The following NOL6 variants were observed in gnomAD, a reference collection of about 807,000 sequenced individuals.
NOL6 encodes nucleolar RNA-associated protein.
A neutral mutation model predicts 131.7 loss-of-function variants in NOL6; 33 were observed. That is an observed-to-expected ratio of 0.25 (90% CI 0.19 to 0.33). The LOEUF is 0.33. NOL6 is among the 10% of genes least tolerant of loss of function. The probability of loss-of-function intolerance (pLI) is 1.00; values close to 1 mark genes in which losing one functional copy is unlikely to be tolerated. For synonymous variants in NOL6, 580 were observed against 605.7 expected (o/e 0.96, Z 0.62); for missense variants, 1,297 against 1,494.5 (o/e 0.87, Z 2.18).
chr9:33,469,476 T>G, intron 5 of NOL6, 23 bp downstream of exon 5: 1 of 1,595,634 alleles, frequency 6.3e-7, no homozygotes, highest in Non-Finnish European at 8.5e-7. Flanking sequence ...TGCTATGCCC[T>G]CAGCCCAATG....
At chr9:33,468,171 T>C (rs202172483) in intron 10 of NOL6, 26 bp from the exon 11 acceptor site, 3 of 1,614,190 alleles carry the variant, frequency 1.9e-6, no homozygotes, top group East Asian at 2.2e-5. Context: ...GGACCATCCC[T>C]GTGCCCTTCA....
Position 33,467,934 on chromosome 9 carries a change from T to C in NOL6, c.1425-66A>G. The stretch of plus-strand genomic sequence containing the variant: ...CTGGCCCCTAGTACCACCTCCTCCC[T>C]GAATGATCTGAGCACCTGTCTGAAG... On this transcript the variant is annotated intron_variant, in intron 11 of 25. Transcript: ENST00000297990. The surrounding 1 kb of genome is among the most constrained non-coding windows in gnomAD (Gnocchi z 4.4). 1 of 1,596,370 alleles carries C rather than the reference T, an allele frequency of 6.3e-7. No individual in the cohort carries two copies. Among genetic ancestry groups the C allele is most frequent in the Non-Finnish European group, 8.6e-7 (1 of 1,168,484 alleles).
rs776381070 is a variant in NOL6 at position 33,466,323 on chromosome 9, C to A, written c.2194G>T (p.Val732Leu). 1.9e-6 allele frequency: 3 copies of A among 1,614,058 alleles called. No individual in the cohort carries two copies. The highest frequency in any genetic ancestry group is 2.5e-6 in the Non-Finnish European group (3 of 1,180,038). Residue 732 changes from valine (V) to leucine (L), a missense_variant, in exon 17 of 26, where the codon GTG (valine) becomes TTG (leucine). Val to Leu is a conservative substitution (Grantham distance 32, BLOSUM62 1). Transcript: ENST00000297990. ...PRLDKPCPAYVEPMTVVCHLE... is the reference protein window; with the variant it reads ...PRLDKPCPAYLEPMTVVCHLE... ...GCCCTCTTACCGGTCATGGGCTCCA[C>A]GTAGGCCGGACAGGGCTTATCGAGC... is the stretch of plus-strand genomic sequence containing the variant.
chr9:33,473,587 C>G (rs1424796936), intron 1 of NOL6, among the ~76,000 whole-genome samples: 1 of 152,180 alleles, frequency 6.6e-6, no homozygotes, highest in Non-Finnish European at 1.5e-5. Context: ...GAGGCTCTAC[C>G]GGCTTCACTG....
intron 16 of NOL6, 41 bp downstream of exon 16, chr9:33,466,528 G>C (rs1205132129): frequency 1.2e-6 from 2 of 1,612,508 alleles, no homozygotes; most frequent in Non-Finnish European, 1.7e-6. Flanking sequence ...GCAGAGGTGG[G>C]GCCACTAAGC....
At chr9:33,469,434 T>C in intron 5 of NOL6, 65 bp downstream of exon 5, 2 of 1,597,272 alleles carry the variant, frequency 1.3e-6, no homozygotes, top group Admixed American at 1.7e-5. Context: ...CCTCCGTGCC[T>C]CTGTGCCTTC....
In NOL6 at chr9:33,463,029, A is replaced by G. The variant is rs770903828; in HGVS notation, c.3291+4T>C. 37 of 1,612,164 alleles carry G rather than the reference A, an allele frequency of 2.3e-5. No homozygotes were observed. Among genetic ancestry groups the G allele is most frequent in the Middle Eastern group, 3.3e-4 (2 of 6,060 alleles). ...AGGAACACAGCTGTCACCAGCCAGC[A>G]CACCTTGAAGGGCTGCGGCTGGAAG... On this transcript the variant is annotated splice_donor_region_variant and intron_variant, in intron 25 of 25. Transcript: ENST00000297990.
At chr9:33,465,080 G>T in intron 20 of NOL6, 104 bp from the exon 21 acceptor site, 1 of 1,445,050 alleles carries the variant, frequency 6.9e-7, no homozygotes, top group Non-Finnish European at 9.5e-7. Flanking sequence ...GGCAGGGCAG[G>T]GCATCTTAGA....
At chr9:33,463,988 T>C in intron 22 of NOL6, 49 bp downstream of exon 22, 2 of 1,612,744 alleles carry the variant, frequency 1.2e-6, no homozygotes, top group Non-Finnish European at 1.7e-6. Context: ...GGGCCTGCTT[T>C]TTCCTTGGGA....
Position 33,467,744 on chromosome 9 carries a change from C to T in NOL6, c.1549G>A (p.Gly517Ser). 6.2e-7 allele frequency: 1 copy of T among 1,606,156 alleles called. No individual in the cohort carries two copies. The highest frequency in any genetic ancestry group is 8.5e-7 in the Non-Finnish European group (1 of 1,176,290). Residue 517 changes from glycine to serine, a missense_variant, in exon 12 of 26, where the codon GGC (glycine) becomes AGC (serine). Physicochemically the swap from Gly to Ser is moderately conservative, Grantham distance 56. Coordinates refer to ENST00000297990, the MANE Select transcript of NOL6 (RefSeq NM_022917.5). The surrounding 1 kb of genome is among the most constrained non-coding windows in gnomAD (Gnocchi z 4.4). Reference sequence around the variant, plus strand: ...AGCAGGTTCAGCCGAGCCCCCAGGCCCTGCTCCAGGAGGGTGGTCAGGGGG... The same window carrying T: ...AGCAGGTTCAGCCGAGCCCCCAGGCTCTGCTCCAGGAGGGTGGTCAGGGGG... ...LGPLTTLLEQ[G>S]LGARLNLLAH...
chr9:33,470,241 A>G, intron 3 of NOL6, 50 bp from the exon 4 acceptor site: 3 of 1,425,500 alleles, frequency 2.1e-6, no homozygotes, highest in Non-Finnish European at 2.8e-6. Flanking sequence ...CCTTCCTCAC[A>G]TGTACCCTTT....
chr9:33,468,025 C>T lies in NOL6; in HGVS notation c.1424+5G>A. 6.2e-7 allele frequency: 1 copy of T among 1,614,176 alleles called. No individual in the cohort carries two copies. The highest frequency in any genetic ancestry group is 8.5e-7 in the Non-Finnish European group (1 of 1,180,034). ...GCCAACATACCCTGTCACCCCTAAA[C>T]TCACTGCAGGACATGGTCAAAAGCC... On this transcript the variant is annotated splice_donor_5th_base_variant and intron_variant, in intron 11 of 25. Coordinates refer to ENST00000297990, the MANE Select transcript of NOL6 (RefSeq NM_022917.5).
intron 8 of NOL6, 71 bp downstream of exon 8, chr9:33,468,681 G>A (rs1374142855): frequency 6.2e-7 from 1 of 1,610,738 alleles, no homozygotes; most frequent in Non-Finnish European, 8.5e-7. Context: ...AACACCAAAA[G>A]ACTGCTACTG....
intron 21 of NOL6, 121 bp from the exon 22 acceptor site, chr9:33,464,282 CCCCA>C (rs955608782): frequency 6.9e-5 from 83 of 1,195,890 alleles, no homozygotes; most frequent in Admixed American, 2.5e-4. Flanking sequence ...CAACACTCCC[CCCCA>C]CCAAGTGGCA....
At position 33,462,461 on chromosome 9, in the gene NOL6, T is replaced by C. The variant is rs113691617; in HGVS notation, c.*203A>G. The C allele has an allele frequency of 9.6e-5, 61 of 632,418 alleles. 1 individual carries two copies. The African/African-American group carries it at 1.0e-3, about 10-fold the overall frequency. 39.2% of individuals were successfully genotyped at this position (632,418 alleles called of 1,614,324 possible). On this transcript the variant is annotated 3_prime_UTR_variant, in exon 26 of 26. Transcript: ENST00000297990. ...GGATGGTGAGGCCCAGGAGACTACA[T>C]GGGCCACCATGCCCCTGCCCCAATG...
rs772923657 is a variant in NOL6, at chr9:33,472,284, G to A, written c.183C>T (p.Tyr61=). The change falls in exon 2 of 26, where the codon TAC becomes TAT. Residue 61 remains tyrosine, a synonymous_variant. Coordinates refer to ENST00000297990, the MANE Select transcript of NOL6 (RefSeq NM_022917.5). ...QPVKLSRAEL[Y]KEPTNEELNR... The stretch of plus-strand genomic sequence containing the variant: ...TAAGCTCCTCATTGGTAGGCTCCTT[G>A]TACAGTTCTGCCCTGCTGAGCTTCA... 2 of 1,614,244 alleles carry A rather than the reference G, an allele frequency of 1.2e-6. No homozygotes were observed. The highest frequency in any genetic ancestry group is 4.5e-5 in the East Asian group (2 of 44,892).
intron 23 of NOL6, 24 bp from the exon 24 acceptor site, chr9:33,463,465 T>A: frequency 1.2e-5 from 19 of 1,564,202 alleles, no homozygotes; most frequent in Non-Finnish European, 1.5e-5. Flanking sequence ...GAAGGAGGGG[T>A]CAGCAGGACC....
At chr9:33,465,501 C>G in intron 19 of NOL6, 142 bp from the exon 20 acceptor site, 1 of 1,154,392 alleles carries the variant, frequency 8.7e-7, no homozygotes, top group Non-Finnish European at 1.2e-6. Flanking sequence ...AGAAGTTGAC[C>G]CTAGTGTTAT....
chr9:33,465,448 T>G, intron 19 of NOL6, 89 bp from the exon 20 acceptor site: 1 of 1,379,654 alleles, frequency 7.2e-7, no homozygotes, highest in Non-Finnish European at 9.8e-7. Flanking sequence ...TCAGTGATAA[T>G]AGGTTACATA....
Sources: gnomAD v4.1 joint callset for allele counts (sites outside exome capture counted in the v4.1 genomes callset) on GRCh38, gnomAD v4.1.1 for gene constraint, Gnocchi (gnomAD v3.1) non-coding constraint, MANE v1.5 for transcripts, NCBI Gene and HGNC (gene_info 2026-07-23, HGNC 2026-07-21) for gene names.